Variants in RINT1 observed in about 807,000 individuals in gnomAD.
RINT1 encodes the protein RAD50-interacting protein 1.
RINT1 carries 75 observed loss-of-function variants against 97.7 expected under a neutral mutation model. The ratio of observed to expected loss-of-function variants is 0.77; its 90% CI spans 0.64 to 0.93. The LOEUF (loss-of-function observed/expected upper bound fraction) is 0.93. Ranked by LOEUF, RINT1 falls within the 40% of genes least tolerant of loss-of-function variation. The pLI, the probability that RINT1 is intolerant of heterozygous loss-of-function variation, is 0.00. For synonymous variants in RINT1, 303 were observed against 326.3 expected (o/e 0.93, Z 0.77); for missense variants, 892 against 925.2 (o/e 0.96, Z 0.47).
At chr7:105,542,223 T>C (rs1790486282) in intron 3 of RINT1, 185 bp from the exon 4 acceptor site, 2 of 574,710 alleles carry the variant, frequency 3.5e-6, no homozygotes, top group South Asian at 4.3e-5. Flanking sequence ...TAGTCCCAAC[T>C]ACTGGGGAGG....
intron 11 of RINT1, among the ~76,000 whole-genome samples, chr7:105,560,624 G>C (rs910874073): frequency 4.6e-5 from 7 of 152,022 alleles, no homozygotes; most frequent in Non-Finnish European, 1.0e-4. Context: ...ATGGCTTTTG[G>C]TTTTTAAAAT....
At chr7:105,537,625 T>C (rs1586218278) in intron 3 of RINT1, among the ~76,000 whole-genome samples, 1 of 150,976 alleles carries the variant, frequency 6.6e-6, no homozygotes, top group African/African-American at 2.4e-5. Context: ...AGGTCAGGAG[T>C]TTGAGACCAG....
At chr7:105,539,473 G>T (rs946128555) in intron 3 of RINT1, among the ~76,000 whole-genome samples, 1 of 149,044 alleles carries the variant, frequency 6.7e-6, no homozygotes, top group Admixed American at 6.9e-5. Context: ...TGATTCTCCC[G>T]CCTCAGGCTC....
chr7:105,540,150 C>G (rs919998670), intron 3 of RINT1, among the ~76,000 whole-genome samples: 2 of 150,904 alleles, frequency 1.3e-5, no homozygotes, highest in African/African-American at 4.9e-5. Context: ...GTGATCTCAG[C>G]TCACTGCTAC....
Position 105,541,046 on chromosome 7 carries a change from G to A in RINT1, c.274-1362G>A, listed in dbSNP as rs181140917. ...GTAGAGACAAGATTTTGCCATCTTGGCCAGGCTGGTCTTGAACTCCTGACC... is the reference window on the plus strand; with the variant it reads ...GTAGAGACAAGATTTTGCCATCTTGACCAGGCTGGTCTTGAACTCCTGACC... On this transcript the variant is annotated intron_variant, in intron 3 of 14. Coordinates refer to ENST00000257700, the MANE Select transcript of RINT1 (RefSeq NM_021930.6). Among the ~76,000 whole-genome samples, 3 of 151,214 alleles carry A rather than the reference G, an allele frequency of 2.0e-5. No individual in the cohort carries two copies. The East Asian group carries it at 6.0e-4, about 30-fold the overall frequency.
At chr7:105,544,885 A>G (rs987957722) in intron 4 of RINT1, among the ~76,000 whole-genome samples, 1 of 150,974 alleles carries the variant, frequency 6.6e-6, no homozygotes, top group East Asian at 2.0e-4. Flanking sequence ...TTTTATGATA[A>G]TCTCTCCATT....
intron 11 of RINT1, among the ~76,000 whole-genome samples, chr7:105,562,149 CAATATA>C (rs1562858799): frequency 6.6e-6 from 1 of 152,126 alleles, no homozygotes; most frequent in Non-Finnish European, 1.5e-5. Context: ...TTCCGGTTAA[CAATATA>C]TCTTGAGATT....
intron 11 of RINT1, 158 bp downstream of exon 11, chr7:105,555,385 C>A: frequency 1.8e-6 from 1 of 556,220 alleles, no homozygotes; most frequent in South Asian, 3.0e-5. Context: ...ACATTTTTCT[C>A]AATCAAATCT....
In RINT1 at chr7:105,565,637, T is replaced by G; in HGVS notation, c.2175T>G (p.Asn725Lys). Residue 725 changes from asparagine to lysine, a missense_variant, in exon 14 of 15, where the codon AAT (asparagine) becomes AAG (lysine). Transcript: ENST00000257700. ...CTCACTATTGCAAGAGACCAGAAAA[T>G]TATTTTAAACAGTAAGCTCAACATT... ...LFSHYCKRPE[N>K]YFKHIKEACI... 1.3e-6 allele frequency: 2 copies of G among 1,597,662 alleles called. No individual in the cohort carries two copies. The highest frequency in any genetic ancestry group is 1.1e-5 in the South Asian group (1 of 90,654).
At chr7:105,539,627 C>G (rs1790379348) in intron 3 of RINT1, among the ~76,000 whole-genome samples, 1 of 152,038 alleles carries the variant, frequency 6.6e-6, no homozygotes, top group African/African-American at 2.4e-5. Context: ...CTTGGCCTTC[C>G]AAAGTGCTGG....
chr7:105,545,497 A>G (rs567925944), intron 4 of RINT1, among the ~76,000 whole-genome samples: 9 of 148,614 alleles, frequency 6.1e-5, no homozygotes, highest in Non-Finnish European at 1.3e-4. Flanking sequence ...TACATTTGAA[A>G]TTCTTCTGTA....
At position 105,550,387 on chromosome 7, in the gene RINT1, C is replaced by T; in HGVS notation, c.1234C>T (p.Leu412=). ...TGAAGTACTCTTGTTTGAAAGGGAG[C>T]TACACAGTGTTCATGGCTATCCTGG... ...VDEVLLFERE[L]HSVHGYPGTF... Residue 412 remains leucine, a synonymous_variant, in exon 9 of 15, where the codon CTA becomes TTA. Coordinates refer to ENST00000257700, the MANE Select transcript of RINT1 (RefSeq NM_021930.6). The T allele has an allele frequency of 4.3e-6, 7 of 1,614,034 alleles. No individual in the cohort carries two copies. The highest frequency in any genetic ancestry group is 5.9e-6 in the Non-Finnish European group (7 of 1,179,978).
rs1196606249 is a variant in RINT1 at position 105,549,962 on chromosome 7, AGTGTT to A, written c.997-89_997-85del. 29 of 723,860 alleles carry A rather than the reference AGTGTT, an allele frequency of 4.0e-5. No homozygotes were observed. The African/African-American group carries it at 5.2e-4, about 13-fold the overall frequency. The allele number at this position is 723,860 out of a possible 1,614,324, so 44.8% of individuals were successfully genotyped here. A position where few individuals can be genotyped will look rare whatever the true frequency, so the allele number is the denominator to read the frequency against. ...CAGGAATTTTCAACTAATTTTTATA[AGTGTT>A]GTGCATATACAATTAAATAGAACCA... On this transcript the variant is annotated intron_variant, in intron 7 of 14. Coordinates refer to ENST00000257700, the MANE Select transcript of RINT1 (RefSeq NM_021930.6).
At chr7:105,554,463 G>A (rs536148252) in intron 10 of RINT1, among the ~76,000 whole-genome samples, 31 of 149,120 alleles carry the variant, frequency 2.1e-4, no homozygotes, top group Admixed American at 1.3e-3. Context: ...TTGTTAGATG[G>A]AGTCTCACTC....
intron 10 of RINT1, among the ~76,000 whole-genome samples, chr7:105,553,665 G>A (rs181991800): frequency 6.2e-5 from 9 of 144,712 alleles, no homozygotes; most frequent in Admixed American, 1.4e-4. Flanking sequence ...CACCTGCCTC[G>A]GCCTCCCAAA....
intron 14 of RINT1, 47 bp downstream of exon 14, chr7:105,565,695 AGGAG>A (rs1159198085): frequency 7.7e-7 from 1 of 1,296,584 alleles, no homozygotes; most frequent in East Asian, 2.3e-5. Flanking sequence ...AAATTGTTAC[AGGAG>A]GCTAACTCCT....
At position 105,541,197 on chromosome 7, in the gene RINT1, C is replaced by T. The variant is rs185629607; in HGVS notation, c.274-1211C>T. ...TCTGTCACCCAGGCTGGATGGAGTGCGGTGGTGCAGTCTCAGCTCACTGCA... is the reference window on the plus strand; with the variant it reads ...TCTGTCACCCAGGCTGGATGGAGTGTGGTGGTGCAGTCTCAGCTCACTGCA... On this transcript the variant is annotated intron_variant, in intron 3 of 14. Coordinates refer to ENST00000257700, the MANE Select transcript of RINT1 (RefSeq NM_021930.6). Among the ~76,000 whole-genome samples the T allele has an allele frequency of 4.0e-5, 6 of 150,974 alleles. No individual in the cohort carries two copies. The East Asian group carries it at 9.9e-4, about 25-fold the overall frequency.
intron 3 of RINT1, chr7:105,541,924 TA>T (rs1452005042): frequency 6.5e-6 from 1 of 152,898 alleles, no homozygotes; most frequent in Admixed American, 6.5e-5. Context: ...ATTTTATTTT[TA>T]TTTTTTTGTT....
At chr7:105,534,671 G>T (rs1351228482) in intron 2 of RINT1, among the ~76,000 whole-genome samples, 1 of 151,794 alleles carries the variant, frequency 6.6e-6, no homozygotes, top group Non-Finnish European at 1.5e-5. Flanking sequence ...GAAAATTGAG[G>T]CATAGTGTTA....
Sources: allele counts gnomAD v4.1 joint callset (sites outside exome capture counted in the v4.1 genomes callset), GRCh38; gene constraint gnomAD v4.1.1; transcripts MANE v1.5; gene names NCBI Gene and HGNC (gene_info 2026-07-23, HGNC 2026-07-21).